RUFY1: variants seen among roughly 807,000 people sequenced by gnomAD.
RUFY1 encodes the protein RUN and FYVE domain containing 1.
RUFY1 carries 54 observed loss-of-function variants against 94.6 expected under a neutral mutation model. The ratio of observed to expected loss-of-function variants is 0.57; its 90% CI spans 0.46 to 0.72. The LOEUF (loss-of-function observed/expected upper bound fraction) is 0.72, where lower values mean the gene tolerates loss of function less well. Ranked by LOEUF, RUFY1 falls within the 30% of genes least tolerant of loss-of-function variation. RUFY1 has a pLI of 0.00. For synonymous variants in RUFY1, 396 were observed against 347.3 expected (o/e 1.14, Z -1.56); for missense variants, 883 against 883.9 (o/e 1.00, Z 0.01).
intron 7 of RUFY1, among the ~76,000 whole-genome samples, chr5:179,585,526 C>T (rs1249803139): frequency 1.3e-5 from 2 of 152,168 alleles, no homozygotes; most frequent in Admixed American, 1.3e-4. Context: ...TTGCAGTGAG[C>T]CAAGATCACT....
rs769784760 is a variant in RUFY1 at position 179,562,608 on chromosome 5, A to G, written c.546A>G (p.Lys182=). The G allele has an allele frequency of 1.2e-6, 2 of 1,612,266 alleles. No homozygotes were observed. Among genetic ancestry groups the G allele is most frequent in the Admixed American group, 3.3e-5 (2 of 60,010 alleles). Residue 182 remains lysine, a synonymous_variant, in exon 3 of 18, where the codon AAA becomes AAG. Transcript: ENST00000319449. ...TTGGTCCTTTGGAGCTGGTGGAGAA[A>G]CTTTGTCCAGAAGCATCAGATATAG... ...SFFGPLELVE[K]LCPEASDIAT...
At chr5:179,576,513 C>T (rs1414212386) in intron 5 of RUFY1, among the ~76,000 whole-genome samples, 1 of 152,170 alleles carries the variant, frequency 6.6e-6, no homozygotes, top group African/African-American at 2.4e-5. Context: ...TTCCGCCTCC[C>T]AGGTTCAAGC....
At chr5:179,590,263 A>T (rs1764948083) in intron 9 of RUFY1, among the ~76,000 whole-genome samples, 1 of 151,124 alleles carries the variant, frequency 6.6e-6, no homozygotes, top group African/African-American at 2.4e-5. Flanking sequence ...CTGAGGCAGG[A>T]GAATGGTGTG....
intron 6 of RUFY1, among the ~76,000 whole-genome samples, chr5:179,578,339 G>A (rs1763822330): frequency 6.6e-6 from 1 of 151,564 alleles, no homozygotes; most frequent in African/African-American, 2.4e-5. Context: ...TCAGCCTCCC[G>A]AGTAGCAGGG....
At chr5:179,592,424 T>G (rs764115369) in intron 10 of RUFY1, among the ~76,000 whole-genome samples, 2 of 152,178 alleles carry the variant, frequency 1.3e-5, no homozygotes, top group Non-Finnish European at 2.9e-5. Flanking sequence ...GGCCAGTTTT[T>G]TGTATTTTTA....
Position 179,593,598 on chromosome 5 carries a change from C to A in RUFY1, c.1366C>A (p.Leu456Met), listed in dbSNP as rs1461284538. The change falls in exon 11 of 18, where the codon CTG becomes ATG. Residue 456 changes from leucine (L) to methionine (M), a missense_variant. Coordinates refer to ENST00000319449, the MANE Select transcript of RUFY1 (RefSeq NM_025158.5). The part of the protein sequence containing the change: ...QDTLVALRQQ[L>M]EEVKAINLQM... ...CACACTAGTTGCCCTCCGCCAGCAG[C>A]TGGAAGAAGTCAAAGCGATTAATTT... The A allele has an allele frequency of 1.9e-6, 3 of 1,614,012 alleles. No individual in the cohort carries two copies. The highest frequency in any genetic ancestry group is 1.7e-6 in the Non-Finnish European group (2 of 1,180,016).
At chr5:179,586,844 C>T (rs1445828739) in intron 8 of RUFY1, among the ~76,000 whole-genome samples, 1 of 152,134 alleles carries the variant, frequency 6.6e-6, no homozygotes, top group Non-Finnish European at 1.5e-5. Flanking sequence ...TTGAGCCTCA[C>T]TTTTGTCACC....
chr5:179,566,018 C>T (rs1762806557), intron 3 of RUFY1, among the ~76,000 whole-genome samples: 1 of 151,908 alleles, frequency 6.6e-6, no homozygotes, highest in Admixed American at 6.6e-5. Flanking sequence ...CACGTGCCTG[C>T]TGTCCCAGCT....
intron 7 of RUFY1, among the ~76,000 whole-genome samples, chr5:179,582,651 G>A (rs1242356068): frequency 1.3e-5 from 2 of 151,598 alleles, no homozygotes; most frequent in Non-Finnish European, 1.5e-5. Context: ...TTGGGAGTTC[G>A]AGACCAACAT....
intron 10 of RUFY1, among the ~76,000 whole-genome samples, 188 bp from the exon 11 acceptor site, chr5:179,593,290 C>A (rs972980229): frequency 6.6e-6 from 1 of 152,074 alleles, no homozygotes; most frequent in South Asian, 2.1e-4. Context: ...CTTGGCCAGG[C>A]TGCTCTCGAA....
chr5:179,594,014 G>A lies in RUFY1; in HGVS notation c.1413+369G>A, dbSNP rs146261653. Reference sequence around the variant, plus strand: ...AAGCATGGAGGAGAGAATTAAAGACGTCATTTAGAGCCAGGCACGGTGGCT... The same window carrying A: ...AAGCATGGAGGAGAGAATTAAAGACATCATTTAGAGCCAGGCACGGTGGCT... On this transcript the variant is annotated intron_variant, in intron 11 of 17. Coordinates refer to ENST00000319449, the MANE Select transcript of RUFY1 (RefSeq NM_025158.5). 5.9e-3 allele frequency among the ~76,000 whole-genome samples: 899 copies of A among 151,812 alleles called. 7 individuals are homozygous for A. The highest frequency in any genetic ancestry group is 0.021 in the African/African-American group (875 of 41,422).
intron 2 of RUFY1, among the ~76,000 whole-genome samples, chr5:179,562,171 T>C (rs1424422279): frequency 4.0e-5 from 6 of 151,070 alleles, no homozygotes; most frequent in Admixed American, 2.6e-4. Flanking sequence ...CCCAGCACTT[T>C]GGGAGGCCGA....
In RUFY1 at chr5:179,596,677, C is replaced by T; in HGVS notation, c.1627C>T (p.Gln543Ter). The change falls in exon 13 of 18, where the codon CAA becomes TAA. Residue 543 changes from glutamine to a stop codon, truncating the protein, a stop_gained. Coordinates refer to ENST00000319449, the MANE Select transcript of RUFY1 (RefSeq NM_025158.5). LOFTEE classifies it high-confidence loss of function. ...GCTGCAGCTCTCCCAGCTGCACGAG[C>T]AATGGTAGGGGCCCTGCAGGGAGCC... ...LQLQLSQLHE[Q>*]CSSLEKELKS... 1 of 1,597,038 alleles carries T rather than the reference C, an allele frequency of 6.3e-7. No individual in the cohort carries two copies. Among genetic ancestry groups the T allele is most frequent in the Non-Finnish European group, 8.5e-7 (1 of 1,172,966 alleles).
chr5:179,554,462 G>C (rs914353294), intron 1 of RUFY1, among the ~76,000 whole-genome samples: 2 of 151,948 alleles, frequency 1.3e-5, no homozygotes, highest in Admixed American at 1.3e-4. Context: ...CTTGAACCTG[G>C]GGGGTGGAGG....
chr5:179,609,319 G>C (rs887476279), intron 17 of RUFY1, 57 bp from the exon 18 acceptor site: 3 of 1,576,666 alleles, frequency 1.9e-6, no homozygotes, highest in Admixed American at 3.4e-5. Context: ...AAGCAGGGAG[G>C]GTGTGCGGAT....
intron 5 of RUFY1, 113 bp downstream of exon 5, chr5:179,569,538 G>A (rs1277927207): frequency 1.4e-5 from 15 of 1,035,300 alleles, no homozygotes; most frequent in Non-Finnish European, 1.9e-5. Flanking sequence ...GAGCCCACTG[G>A]TAGAGGACCC....
At position 179,580,970 on chromosome 5, in the gene RUFY1, T is replaced by A; in HGVS notation, c.914T>A (p.Leu305His). 6.2e-7 allele frequency: 1 copy of A among 1,607,324 alleles called. No individual in the cohort carries two copies. The highest frequency in any genetic ancestry group is 8.5e-7 in the Non-Finnish European group (1 of 1,176,810). Residue 305 changes from leucine (L) to histidine (H), a missense_variant, in exon 7 of 18, where the codon CTT becomes CAT. Transcript: ENST00000319449. ...AGGCATGAAAGAATTACTGATGTCC[T>A]TGATCAAAAAAATTATGTGGAAGAA... The part of the protein sequence containing the change: ...GKEHERITDV[L>H]DQKNYVEELN...
At position 179,609,566 on chromosome 5, in the gene RUFY1, TG is replaced by T; in HGVS notation, c.*50del. 6.6e-7 allele frequency: 1 copy of T among 1,516,968 alleles called. No homozygotes were observed. The highest frequency in any genetic ancestry group is 8.8e-7 in the Non-Finnish European group (1 of 1,130,474). 94.0% of individuals were successfully genotyped at this position (1,516,968 alleles called of 1,614,324 possible). A position where few individuals can be genotyped will look rare whatever the true frequency, so the allele number is the denominator to read the frequency against. The stretch of plus-strand genomic sequence containing the variant: ...GCCTCACGGACAGTGCCAAACCCTG[TG>T]GGTCTCCAGGGGCTTGGGAAATGTG... On this transcript the variant is annotated 3_prime_UTR_variant, in exon 18 of 18. Coordinates refer to ENST00000319449, the MANE Select transcript of RUFY1 (RefSeq NM_025158.5).
At chr5:179,565,586 A>G (rs1365124763) in intron 3 of RUFY1, among the ~76,000 whole-genome samples, 1 of 136,874 alleles carries the variant, frequency 7.3e-6, no homozygotes, top group Non-Finnish European at 1.6e-5. Flanking sequence ...TCCACTTAAT[A>G]TTAGATTTTA....
Sources: gnomAD v4.1 joint callset for allele counts (sites outside exome capture counted in the v4.1 genomes callset) on GRCh38, gnomAD v4.1.1 for gene constraint, MANE v1.5 for transcripts, NCBI Gene and HGNC (gene_info 2026-07-23, HGNC 2026-07-21) for gene names.